The following ZBED3 variants were observed in gnomAD, a reference collection of about 807,000 sequenced individuals.
The protein encoded by ZBED3 is zinc finger BED-type containing 3.
For missense variants in ZBED3, 388 were observed against 362.9 expected, an observed-to-expected ratio of 1.07 and a Z score of -0.56; for synonymous variants, 175 against 180.0, an observed-to-expected ratio of 0.97 and a Z score of 0.22.
In ZBED3 at chr5:77,074,443, G is replaced by A. The variant is rs917249847; in HGVS notation, c.*2731C>T. 3 of 152,182 alleles carry A rather than the reference G, an allele frequency of 2.0e-5. No homozygotes were observed. The highest frequency in any genetic ancestry group is 2.9e-5 in the Non-Finnish European group (2 of 68,070). The allele number at this position is 152,182 out of a possible 1,614,324, so 9.4% of individuals were successfully genotyped here. ...TAGAAATAGACTTAGCAGAGCAGGC[G>A]CCCAGCATTCAGCGAGACCACAGAT... is the stretch of plus-strand genomic sequence containing the variant. On this transcript the variant is annotated 3_prime_UTR_variant, in exon 3 of 3. Coordinates refer to ENST00000255198, the MANE Select transcript of ZBED3 (RefSeq NM_032367.4).
rs1357064052 is a variant in ZBED3, at chr5:77,075,935, TTATATATACA to T, written c.*1229_*1238del. 0.029 allele frequency: 623 copies of T among 21,164 alleles called. 158 individuals are homozygous for T. The highest frequency in any genetic ancestry group is 0.077 in the African/African-American group (579 of 7,472). The allele number at this position is 21,164 out of a possible 1,614,324, so 1.3% of individuals were successfully genotyped here. On this transcript the variant is annotated 3_prime_UTR_variant, in exon 3 of 3. Coordinates refer to ENST00000255198, the MANE Select transcript of ZBED3 (RefSeq NM_032367.4). Reference sequence around the variant, plus strand: ...GACATGCACCCTAGAACTTAAAGTATTATATATACATATATATATATATATATATATGTAT... The same window carrying T: ...GACATGCACCCTAGAACTTAAAGTATTATATATATATATATATATATGTAT...
In ZBED3 at chr5:77,077,810, G is replaced by T; in HGVS notation, c.69C>A (p.Gly23=). ...CCGGCCCCAGTCCCGGACACTGACC[G>T]CCCCGCGCCGCCGCGTCGTCCAGCC... is the stretch of plus-strand genomic sequence containing the variant. ...ARGLDDAAAR[G]GQCPGLGPAP... Residue 23 remains glycine (G), a synonymous_variant, in exon 3 of 3, where the codon GGC becomes GGA. Transcript: ENST00000255198. The T allele has an allele frequency of 2.3e-6, 3 of 1,297,464 alleles. No individual in the cohort carries two copies. The highest frequency in any genetic ancestry group is 2.9e-6 in the Non-Finnish European group (3 of 1,028,502). 80.4% of individuals were successfully genotyped at this position (1,297,464 alleles called of 1,614,324 possible). A position where few individuals can be genotyped will look rare whatever the true frequency, so the allele number is the denominator to read the frequency against.
At position 77,077,758 on chromosome 5, in the gene ZBED3, G is replaced by A. The variant is rs1743052884; in HGVS notation, c.121C>T (p.Leu41=). ...PAPTPTPPGR[L]GAPYSEAWGY... is the part of the protein sequence containing the mutation. ...CAGGCCTCGGAGTATGGCGCCCCCA[G>A]GCGGCCGGGAGGCGTCGGCGTCGGC... Residue 41 remains leucine, a synonymous_variant, in exon 3 of 3, where the codon CTG becomes TTG. Transcript: ENST00000255198. 1 of 1,319,356 alleles carries A rather than the reference G, an allele frequency of 7.6e-7. No individual in the cohort carries two copies. The highest frequency in any genetic ancestry group is 9.6e-7 in the Non-Finnish European group (1 of 1,037,506). The allele number at this position is 1,319,356 out of a possible 1,614,324, so 81.7% of individuals were successfully genotyped here.
rs1162474070 is a variant in ZBED3 at position 77,077,674 on chromosome 5, A to C, written c.205T>G (p.Cys69Gly). The C allele has an allele frequency of 7.2e-7, 1 of 1,381,162 alleles. No homozygotes were observed. The highest frequency in any genetic ancestry group is 9.3e-7 in the Non-Finnish European group (1 of 1,071,598). 85.6% of individuals were successfully genotyped at this position (1,381,162 alleles called of 1,614,324 possible). ...PGHPSGHWAT[C>G]RLCGEQVGRG... ...CCCACCTGCTCCCCGCACAGACGGC[A>C]GGTGGCCCAGTGGCCCGACGGATGC... The change falls in exon 3 of 3, where the codon TGC becomes GGC. Residue 69 changes from cysteine (C) to glycine (G), a missense_variant. By Grantham distance (159) the Cys-to-Gly change is radical (BLOSUM62 -3). Coordinates refer to ENST00000255198, the MANE Select transcript of ZBED3 (RefSeq NM_032367.4).
In ZBED3 at chr5:77,077,167, C is replaced by T. The variant is rs1218837008; in HGVS notation, c.*7G>A. 2.1e-6 allele frequency: 3 copies of T among 1,456,474 alleles called. No homozygotes were observed. The highest frequency in any genetic ancestry group is 9.0e-7 in the Non-Finnish European group (1 of 1,107,388). 90.2% of individuals were successfully genotyped at this position (1,456,474 alleles called of 1,614,324 possible). ...CGCTGTCCTGGGGTGGGGAAGTGGC[C>T]ACACCCCTACAGGAGGACCTTTGTG... On this transcript the variant is annotated 3_prime_UTR_variant, in exon 3 of 3. Transcript: ENST00000255198.
intron 1 of ZBED3, among the ~76,000 whole-genome samples, chr5:77,081,438 C>G (rs1047171543): frequency 1.3e-5 from 2 of 151,776 alleles, no homozygotes; most frequent in Non-Finnish European, 2.9e-5. Context: ...CCTCTGCTTC[C>G]CAGGCTCAAG....
Position 77,072,551 on chromosome 5 carries a change from T to C in ZBED3, c.*4623A>G, listed in dbSNP as rs2150738550. ...CATTTTGGGAATAACTGTATAGTCT[T>C]CCAGGTCTTCTACTTTGAAGAGAGA... On this transcript the variant is annotated 3_prime_UTR_variant, in exon 3 of 3. Coordinates refer to ENST00000255198, the MANE Select transcript of ZBED3 (RefSeq NM_032367.4). 1 of 152,336 alleles carries C rather than the reference T, an allele frequency of 6.6e-6. No homozygotes were observed. Among genetic ancestry groups the C allele is most frequent in the Non-Finnish European group, 1.5e-5 (1 of 68,032 alleles). 9.4% of individuals were successfully genotyped at this position (152,336 alleles called of 1,614,324 possible).
chr5:77,077,637 CCCGGG>C lies in ZBED3; in HGVS notation c.237_241del (p.Pro80LeufsTer122). The C allele has an allele frequency of 7.1e-7, 1 of 1,411,572 alleles. No homozygotes were observed. The highest frequency in any genetic ancestry group is 1.5e-5 in the South Asian group (1 of 68,292). The allele number at this position is 1,411,572 out of a possible 1,614,324, so 87.4% of individuals were successfully genotyped here. On this transcript the variant is annotated frameshift_variant, in exon 3 of 3. Transcript: ENST00000255198. LOFTEE classifies it low-confidence loss of function (END_TRUNC). ...CAACGCCGAGGTCCCCGCGTGGAAG[CCCGGG>C]CCGCGGCCCACCTGCTCCCCGCACA...
intron 1 of ZBED3, among the ~76,000 whole-genome samples, chr5:77,083,919 T>G (rs1743180704): frequency 1.3e-5 from 2 of 152,218 alleles, no homozygotes; most frequent in Admixed American, 1.3e-4. Flanking sequence ...GTTTCTTCCT[T>G]ACCAAATACC....
At chr5:77,080,677 A>T (rs1743110533) in intron 1 of ZBED3, 2 of 498,220 alleles carry the variant, frequency 4.0e-6, no homozygotes, top group South Asian at 2.9e-5. Flanking sequence ...AGCTGAGCAA[A>T]CTATCACAAG....
rs1742899955 is a variant in ZBED3, at chr5:77,072,173, T to C, written c.*5001A>G. 1 of 152,226 alleles carries C rather than the reference T, an allele frequency of 6.6e-6. No homozygotes were observed. Among genetic ancestry groups the C allele is most frequent in the Admixed American group, 6.5e-5 (1 of 15,286 alleles). The allele number at this position is 152,226 out of a possible 1,614,324, so 9.4% of individuals were successfully genotyped here. A position where few individuals can be genotyped will look rare whatever the true frequency, so the allele number is the denominator to read the frequency against. On this transcript the variant is annotated 3_prime_UTR_variant, in exon 3 of 3. Coordinates refer to ENST00000255198, the MANE Select transcript of ZBED3 (RefSeq NM_032367.4). Reference sequence around the variant, plus strand: ...AGAAACCTTTAATACTATTTAAACATATAATGACTCCCAGTGCTACCTGAA... The same window carrying C: ...AGAAACCTTTAATACTATTTAAACACATAATGACTCCCAGTGCTACCTGAA...
chr5:77,082,024 T>G (rs1183295455), intron 1 of ZBED3, among the ~76,000 whole-genome samples: 2 of 152,246 alleles, frequency 1.3e-5, no homozygotes, highest in East Asian at 3.9e-4. Flanking sequence ...CCCAACACTT[T>G]GGGAGTTCCA....
Position 77,076,054 on chromosome 5 carries a change from T to A in ZBED3, c.*1120A>T, listed in dbSNP as rs1479497500. ...ATATGTATATATGTATATATATATA[T>A]AATATATACACACATAAAGAAAAAA... is the stretch of plus-strand genomic sequence containing the variant. On this transcript the variant is annotated 3_prime_UTR_variant, in exon 3 of 3. Coordinates refer to ENST00000255198, the MANE Select transcript of ZBED3 (RefSeq NM_032367.4). 2 of 133,340 alleles carry A rather than the reference T, an allele frequency of 1.5e-5. 1 individual carries two copies. The highest frequency in any genetic ancestry group is 3.1e-5 in the Non-Finnish European group (2 of 63,600). 8.3% of individuals were successfully genotyped at this position (133,340 alleles called of 1,614,324 possible). A position where few individuals can be genotyped will look rare whatever the true frequency, so the allele number is the denominator to read the frequency against.
chr5:77,080,328 T>TTTAA, intron 1 of ZBED3: 10 of 407,770 alleles, frequency 2.5e-5, no homozygotes, highest in South Asian at 1.9e-4. Flanking sequence ...GTGAATGCCA[T>TTTAA]CTGTTAGGAG....
chr5:77,083,310 G>T (rs571592347), intron 1 of ZBED3, among the ~76,000 whole-genome samples: 1 of 152,318 alleles, frequency 6.6e-6, no homozygotes, highest in Middle Eastern at 3.4e-3. Flanking sequence ...GCTGCTCATT[G>T]TCACGTGGTT....
At chr5:77,085,517 T>C (rs905174933) in intron 1 of ZBED3, among the ~76,000 whole-genome samples, 3 of 152,246 alleles carry the variant, frequency 2.0e-5, no homozygotes, top group African/African-American at 7.2e-5. Context: ...TAAATCAATA[T>C]ATGTTGGTTG....
At chr5:77,079,405 G>C (rs1043455760) in intron 1 of ZBED3, 3 of 152,190 alleles carry the variant, frequency 2.0e-5, no homozygotes, top group Non-Finnish European at 4.4e-5. Flanking sequence ...ATGAGAATAG[G>C]AAAAATAAGC....
chr5:77,083,069 G>A (rs564222192), intron 1 of ZBED3, among the ~76,000 whole-genome samples: 6 of 152,208 alleles, frequency 3.9e-5, no homozygotes, highest in Admixed American at 1.3e-4. Flanking sequence ...CCTGGGAGGC[G>A]GAGGTTGCAG....
chr5:77,082,650 G>A (rs1743152226), intron 1 of ZBED3, among the ~76,000 whole-genome samples: 1 of 152,142 alleles, frequency 6.6e-6, no homozygotes, highest in Non-Finnish European at 1.5e-5. Context: ...TATAGCTATA[G>A]ATGAAGAAAA....
Sources: allele counts gnomAD v4.1 joint callset (sites outside exome capture counted in the v4.1 genomes callset), GRCh38; gene constraint gnomAD v4.1.1; transcripts MANE v1.5; gene names NCBI Gene and HGNC (gene_info 2026-07-23, HGNC 2026-07-21).